The following NCKAP5 variants were observed in gnomAD, a reference collection of about 807,000 sequenced individuals.
NCKAP5 encodes nck-associated protein 5.
NCKAP5 carries 92 observed loss-of-function variants against 167.0 expected under a neutral mutation model. The observed-to-expected ratio is 0.55, with a 90% CI of 0.47 to 0.66. The LOEUF (loss-of-function observed/expected upper bound fraction) is 0.66. Among genes scored for constraint, NCKAP5 ranks in the 30% least tolerant of loss-of-function variants. NCKAP5 has a pLI of 0.00. For missense variants in NCKAP5, 2,378 were observed against 2,315.0 expected, an observed-to-expected ratio of 1.03 and a Z score of -0.56; for synonymous variants, 891 against 877.4, an observed-to-expected ratio of 1.02 and a Z score of -0.27.
At chr2:133,332,165 A>G (rs1392562893) in intron 3 of NCKAP5, among the ~76,000 whole-genome samples, 3 of 152,210 alleles carry the variant, frequency 2.0e-5, no homozygotes, top group Non-Finnish European at 4.4e-5. Context: ...TCTAAGCTTC[A>G]GAGTCAAGTG....
intron 3 of NCKAP5, among the ~76,000 whole-genome samples, chr2:133,446,182 G>A (rs1040578602): frequency 1.3e-5 from 2 of 152,082 alleles, no homozygotes; most frequent in Non-Finnish European, 2.9e-5. Flanking sequence ...TATGAGAAAC[G>A]CAATAATTAG....
intron 5 of NCKAP5, among the ~76,000 whole-genome samples, chr2:133,166,367 C>A (rs2084002140): frequency 6.6e-6 from 1 of 152,126 alleles, no homozygotes; most frequent in Non-Finnish European, 1.5e-5. Context: ...TCATGAATAA[C>A]TTTTTCACGT....
chr2:133,042,281 G>C (rs752322753), intron 6 of NCKAP5, among the ~76,000 whole-genome samples: 3 of 152,128 alleles, frequency 2.0e-5, no homozygotes, highest in Non-Finnish European at 2.9e-5. Context: ...AGTCTGGCAA[G>C]TGGAGTGGGC....
At chr2:132,869,890 A>G (rs947788767) in intron 9 of NCKAP5, among the ~76,000 whole-genome samples, 28 of 152,328 alleles carry the variant, frequency 1.8e-4, no homozygotes, top group African/African-American at 6.7e-4. Flanking sequence ...ATGTGGTGGA[A>G]ATAAGGTAGT....
intron 8 of NCKAP5, among the ~76,000 whole-genome samples, chr2:132,920,771 G>GTATGTGTATA (rs1553479343): frequency 3.2e-5 from 1 of 31,570 alleles, no homozygotes; most frequent in African/African-American, 1.1e-4. Flanking sequence ...ATATATGTAT[G>GTATGTGTATA]TATATATATA....
At chr2:133,528,074 C>CAAAA (rs1685070146) in intron 2 of NCKAP5, among the ~76,000 whole-genome samples, 1 of 151,840 alleles carries the variant, frequency 6.6e-6, no homozygotes, top group Non-Finnish European at 1.5e-5. Context: ...AAAAACAAAA[C>CAAAA]AAACAAACAA....
At chr2:133,082,607 G>T (rs2080847567) in intron 6 of NCKAP5, among the ~76,000 whole-genome samples, 1 of 152,078 alleles carries the variant, frequency 6.6e-6, no homozygotes, top group Admixed American at 6.5e-5. Context: ...TTGAAGCTCA[G>T]CTGGGCATTG....
intron 4 of NCKAP5, among the ~76,000 whole-genome samples, chr2:133,223,305 A>G (rs1010166187): frequency 6.6e-6 from 1 of 152,162 alleles, no homozygotes; most frequent in Non-Finnish European, 1.5e-5. Context: ...GTGGATCCCA[A>G]GAATAAGAGC....
intron 1 of NCKAP5, among the ~76,000 whole-genome samples, chr2:133,565,027 C>T (rs1299360106): frequency 2.0e-5 from 3 of 152,144 alleles, no homozygotes; most frequent in Non-Finnish European, 4.4e-5. Flanking sequence ...TGCACAGGGA[C>T]ACCTACCTGC....
chr2:133,495,377 G>A (rs1681851980), intron 3 of NCKAP5, among the ~76,000 whole-genome samples: 2 of 151,968 alleles, frequency 1.3e-5, no homozygotes, highest in Admixed American at 6.6e-5. Context: ...GATTCCAAAA[G>A]GCAATCTTGA....
chr2:132,906,734 A>C (rs1694036666), intron 8 of NCKAP5, among the ~76,000 whole-genome samples: 1 of 152,224 alleles, frequency 6.6e-6, no homozygotes, highest in Non-Finnish European at 1.5e-5. Context: ...AGCTGCCAGC[A>C]AACATAAAAC....
At position 133,224,118 on chromosome 2, in the gene NCKAP5, T is replaced by C. The variant is rs567967054; in HGVS notation, c.144-10339A>G. ...TATCCTATATATGTATTCTCAAAAT[T>C]GTTCTTCTGCTCTCAAGAACGGTGC... On this transcript the variant is annotated intron_variant, in intron 4 of 19. Coordinates refer to ENST00000409261, the MANE Select transcript of NCKAP5 (RefSeq NM_207363.3). Among the ~76,000 whole-genome samples, 9 of 152,334 alleles carry C rather than the reference T, an allele frequency of 5.9e-5. No homozygotes were observed. The East Asian group carries it at 1.7e-3, about 29-fold the overall frequency.
At chr2:132,851,943 G>C (rs111929776) in intron 11 of NCKAP5, among the ~76,000 whole-genome samples, 1 of 152,070 alleles carries the variant, frequency 6.6e-6, no homozygotes, top group Non-Finnish European at 1.5e-5. Flanking sequence ...TAATCTTTTC[G>C]TGCCGGGAAT....
At chr2:133,407,109 G>A (rs1688487746) in intron 3 of NCKAP5, among the ~76,000 whole-genome samples, 1 of 152,210 alleles carries the variant, frequency 6.6e-6, no homozygotes, top group Non-Finnish European at 1.5e-5. Flanking sequence ...CCATGAGCCT[G>A]AGTCTTGTAA....
intron 3 of NCKAP5, among the ~76,000 whole-genome samples, chr2:133,459,131 T>C (rs545025772): frequency 1.3e-5 from 2 of 152,290 alleles, no homozygotes; most frequent in East Asian, 1.9e-4. Flanking sequence ...TGGTCAATAG[T>C]TGTAGCATTT....
At chr2:133,105,916 A>C (rs1320410551) in intron 6 of NCKAP5, among the ~76,000 whole-genome samples, 1 of 152,174 alleles carries the variant, frequency 6.6e-6, no homozygotes, top group Admixed American at 6.5e-5. Flanking sequence ...CAGGCATAGA[A>C]ATAAAACATA....
chr2:133,470,806 A>C (rs180888099), intron 3 of NCKAP5, among the ~76,000 whole-genome samples: 3 of 152,320 alleles, frequency 2.0e-5, no homozygotes, highest in African/African-American at 7.2e-5. Context: ...TTCTTTGACT[A>C]GGAAAGGGAA....
At chr2:133,274,117 C>A (rs1013497644) in intron 4 of NCKAP5, among the ~76,000 whole-genome samples, 1 of 151,736 alleles carries the variant, frequency 6.6e-6, no homozygotes, top group Non-Finnish European at 1.5e-5. Flanking sequence ...TTATTTATCA[C>A]CAATATTATC....
intron 8 of NCKAP5, among the ~76,000 whole-genome samples, chr2:132,920,775 A>ATATATGTATG (rs1695343243): frequency 1.6e-4 from 1 of 6,238 alleles, no homozygotes; most frequent in Non-Finnish European, 4.7e-4. Context: ...ATGTATGTAT[A>ATATATGTATG]TATATATATA....
Sources: allele counts gnomAD v4.1 joint callset (sites outside exome capture counted in the v4.1 genomes callset), GRCh38; gene constraint gnomAD v4.1.1; transcripts MANE v1.5; gene names NCBI Gene and HGNC (gene_info 2026-07-23, HGNC 2026-07-21).